The following TNRC6A variants were observed in gnomAD, a reference collection of about 807,000 sequenced individuals.
The protein encoded by TNRC6A is trinucleotide repeat containing adaptor 6A.
TNRC6A carries 44 observed loss-of-function variants against 221.2 expected under a neutral mutation model. The ratio of observed to expected loss-of-function variants is 0.20; its 90% CI spans 0.16 to 0.26. TNRC6A has a LOEUF of 0.26. Among genes scored for constraint, TNRC6A ranks in the 10% least tolerant of loss-of-function variants. TNRC6A has a pLI of 1.00. For synonymous variants in TNRC6A, 847 were observed against 838.5 expected (o/e 1.01, Z -0.18); for missense variants, 2,199 against 2,404.4 (o/e 0.91, Z 1.79).
intron 3 of TNRC6A, among the ~76,000 whole-genome samples, chr16:24,754,817 G>C (rs1026547293): frequency 6.6e-6 from 1 of 152,184 alleles, no homozygotes; most frequent in Non-Finnish European, 1.5e-5. Context: ...GGGATCTCTT[G>C]GTGTTGAGAA....
intron 19 of TNRC6A, chr16:24,815,889 CAG>C (rs1388662134): frequency 6.4e-6 from 1 of 156,948 alleles, no homozygotes; most frequent in East Asian, 1.9e-4. Context: ...TAAGTTGTGT[CAG>C]GGAGTAACTT....
chr16:24,684,638 T>C (rs988143121), intron 2 of TNRC6A, among the ~76,000 whole-genome samples: 11 of 151,542 alleles, frequency 7.3e-5, no homozygotes, highest in Admixed American at 6.6e-4. Context: ...AGACCCCATC[T>C]CTACAAAAAA....
intron 2 of TNRC6A, among the ~76,000 whole-genome samples, chr16:24,660,422 T>C (rs2055004109): frequency 6.6e-6 from 1 of 151,974 alleles, no homozygotes; most frequent in Non-Finnish European, 1.5e-5. Flanking sequence ...TTCCTTTTTA[T>C]GGCTGAGTAG....
At chr16:24,741,521 C>G (rs924346614) in intron 2 of TNRC6A, among the ~76,000 whole-genome samples, 1 of 152,026 alleles carries the variant, frequency 6.6e-6, no homozygotes, top group African/African-American at 2.4e-5. Flanking sequence ...GTTTGTTAGT[C>G]TTTTGTTGAG....
chr16:24,671,774 C>T (rs2141999162), intron 2 of TNRC6A, among the ~76,000 whole-genome samples: 1 of 152,186 alleles, frequency 6.6e-6, no homozygotes, highest in East Asian at 1.9e-4. Context: ...CTTTGGGAGG[C>T]CGAGGTGGGA....
chr16:24,817,131 A>G (rs1476460812), intron 20 of TNRC6A, among the ~76,000 whole-genome samples, 175 bp downstream of exon 20: 1 of 152,184 alleles, frequency 6.6e-6, no homozygotes, highest in East Asian at 1.9e-4. Context: ...TCTTTAAAAA[A>G]GAAAGAAAAC....
intron 2 of TNRC6A, among the ~76,000 whole-genome samples, chr16:24,647,315 A>T (rs1902346643): frequency 1.3e-5 from 2 of 152,166 alleles, no homozygotes; most frequent in Non-Finnish European, 2.9e-5. Flanking sequence ...TTTCCATTAA[A>T]AATTGTGTAC....
At chr16:24,789,154 G>A (rs904278697) in intron 5 of TNRC6A, 78 bp from the exon 6 acceptor site, 19 of 1,374,160 alleles carry the variant, frequency 1.4e-5, no homozygotes, top group East Asian at 7.1e-5. Context: ...TAACATATTC[G>A]TCATTTTTCT....
chr16:24,783,515 C>G (rs1024743463), intron 5 of TNRC6A, among the ~76,000 whole-genome samples: 2 of 149,288 alleles, frequency 1.3e-5, no homozygotes, highest in African/African-American at 4.9e-5. Context: ...GATAGATGTT[C>G]TATTATGTAC....
intron 2 of TNRC6A, among the ~76,000 whole-genome samples, chr16:24,645,527 C>T (rs1902230569): frequency 6.6e-6 from 1 of 151,244 alleles, no homozygotes; most frequent in Admixed American, 6.6e-5. Context: ...AAACCTACTT[C>T]TGTCCGAGTT....
Position 24,823,393 on chromosome 16 carries a change from G to T in TNRC6A, c.5514-39G>T. The T allele has an allele frequency of 6.4e-7, 1 of 1,564,482 alleles. No individual in the cohort carries two copies. Among genetic ancestry groups the T allele is most frequent in the Non-Finnish European group, 8.7e-7 (1 of 1,153,680 alleles). The stretch of plus-strand genomic sequence containing the variant: ...TGTGAGTGAATGAAGCCCTCCTGGT[G>T]TGCTGTCCTCACGTGTCCGCGGTGC... On this transcript the variant is annotated intron_variant, in intron 24 of 24. Transcript: ENST00000395799. The surrounding 1 kb of genome is among the most constrained non-coding windows in gnomAD (Gnocchi z 4.3).
intron 1 of TNRC6A, among the ~76,000 whole-genome samples, chr16:24,619,434 C>A (rs1900552131): frequency 6.6e-6 from 1 of 152,114 alleles, no homozygotes; most frequent in Non-Finnish European, 1.5e-5. Context: ...AGGCATAAGT[C>A]AATAAGTAGA....
At chr16:24,723,466 A>C (rs1000628403) in intron 2 of TNRC6A, among the ~76,000 whole-genome samples, 2 of 151,840 alleles carry the variant, frequency 1.3e-5, no homozygotes, top group African/African-American at 4.8e-5. Context: ...TGGTGGCATG[A>C]GTTTGTAATC....
intron 1 of TNRC6A, among the ~76,000 whole-genome samples, chr16:24,616,024 C>G (rs1900325736): frequency 6.6e-6 from 1 of 151,976 alleles, no homozygotes; most frequent in African/African-American, 2.4e-5. Flanking sequence ...AAGACCCTAT[C>G]TCTAAATTTA....
intron 11 of TNRC6A, among the ~76,000 whole-genome samples, chr16:24,800,964 A>G (rs1324374697): frequency 1.3e-5 from 2 of 152,184 alleles, no homozygotes; most frequent in Non-Finnish European, 2.9e-5. Flanking sequence ...GTCCAGATAT[A>G]TTTTCATAGA....
intron 3 of TNRC6A, among the ~76,000 whole-genome samples, chr16:24,751,341 T>C (rs983646037): frequency 6.6e-6 from 1 of 152,220 alleles, no homozygotes; most frequent in Non-Finnish European, 1.5e-5. Context: ...TTTTCCCTCT[T>C]TATTTAGTAC....
At chr16:24,673,193 TTAAAAA>T (rs1489037451) in intron 2 of TNRC6A, among the ~76,000 whole-genome samples, 2 of 152,074 alleles carry the variant, frequency 1.3e-5, no homozygotes, top group African/African-American at 4.8e-5. Context: ...TTTTTAAAAA[TTAAAAA>T]TAAAAATAAA....
intron 11 of TNRC6A, 88 bp downstream of exon 11, chr16:24,798,054 T>G: frequency 8.4e-7 from 1 of 1,196,914 alleles, no homozygotes; most frequent in Non-Finnish European, 1.2e-6. Flanking sequence ...CTGACGTAGA[T>G]CAGGACAGGG....
At chr16:24,806,372 T>C (rs2058432425) in intron 16 of TNRC6A, 89 bp downstream of exon 16, 3 of 1,514,036 alleles carry the variant, frequency 2.0e-6, no homozygotes. Flanking sequence ...GAAATGTCTT[T>C]CTTAAAACAA....
Sources: gnomAD v4.1 joint callset for allele counts (sites outside exome capture counted in the v4.1 genomes callset) on GRCh38, gnomAD v4.1.1 for gene constraint, Gnocchi (gnomAD v3.1) non-coding constraint, MANE v1.5 for transcripts, NCBI Gene and HGNC (gene_info 2026-07-23, HGNC 2026-07-21) for gene names.